The following CCSER1 variants were observed in gnomAD, a reference collection of about 807,000 sequenced individuals.
CCSER1 encodes serine-rich coiled-coil domain-containing protein 1.
Under a neutral mutation model 82.0 loss-of-function variants are expected in CCSER1, and 41 were observed. That is an observed-to-expected ratio of 0.50 (90% CI 0.39 to 0.65). The LOEUF is 0.65. Ranked by LOEUF, CCSER1 falls within the 30% of genes least tolerant of loss-of-function variation. The pLI is 0.00. For synonymous variants in CCSER1, 414 were observed against 383.9 expected (o/e 1.08, Z -0.92); for missense variants, 1,119 against 1,064.2 (o/e 1.05, Z -0.72).
intron 7 of CCSER1, among the ~76,000 whole-genome samples, chr4:90,761,743 G>A (rs910167810): frequency 6.6e-6 from 1 of 152,078 alleles, no homozygotes; most frequent in African/African-American, 2.4e-5. Context: ...TTTGGGTTAG[G>A]CGTTCATTAA....
chr4:91,436,046 C>G (rs942476109), intron 10 of CCSER1, among the ~76,000 whole-genome samples: 2 of 152,168 alleles, frequency 1.3e-5, no homozygotes, highest in African/African-American at 4.8e-5. Flanking sequence ...AATCAATTTT[C>G]ATCATTGAAG....
chr4:91,087,379 A>G (rs765558617), intron 10 of CCSER1, among the ~76,000 whole-genome samples: 1 of 152,090 alleles, frequency 6.6e-6, no homozygotes. Context: ...AGATTTTTAT[A>G]GTTTTTAATG....
At chr4:90,460,065 G>A (rs960500934) in intron 4 of CCSER1, among the ~76,000 whole-genome samples, 5 of 146,276 alleles carry the variant, frequency 3.4e-5, no homozygotes, top group African/African-American at 5.6e-5. Context: ...GGTGGCTCAC[G>A]CCTGTAATCC....
At chr4:91,119,538 AATATGCTTTT>A (rs1222260607) in intron 10 of CCSER1, among the ~76,000 whole-genome samples, 1 of 152,032 alleles carries the variant, frequency 6.6e-6, no homozygotes, top group African/African-American at 2.4e-5. Flanking sequence ...ACAGATTCAA[AATATGCTTTT>A]ATAACCAAAA....
chr4:90,808,181 A>T (rs1580572190), intron 7 of CCSER1, among the ~76,000 whole-genome samples: 1 of 152,154 alleles, frequency 6.6e-6, no homozygotes, highest in African/African-American at 2.4e-5. Flanking sequence ...GAAAAATTGG[A>T]TAGCCAGATG....
At chr4:90,587,127 G>T (rs781550927) in intron 5 of CCSER1, among the ~76,000 whole-genome samples, 1 of 152,120 alleles carries the variant, frequency 6.6e-6, no homozygotes, top group African/African-American at 2.4e-5. Flanking sequence ...AGAAATGTGC[G>T]GAGCATCGAG....
intron 8 of CCSER1, among the ~76,000 whole-genome samples, chr4:90,909,574 A>G (rs773432193): frequency 6.6e-5 from 10 of 152,214 alleles, no homozygotes; most frequent in African/African-American, 9.6e-5. Flanking sequence ...TTCCAATCAG[A>G]GTTTCTATCA....
At chr4:90,327,179 G>T (rs532774499) in intron 3 of CCSER1, among the ~76,000 whole-genome samples, 2 of 152,134 alleles carry the variant, frequency 1.3e-5, no homozygotes, top group African/African-American at 2.4e-5. Context: ...CAGGCTAGCT[G>T]CTTAACTCAG....
intron 10 of CCSER1, among the ~76,000 whole-genome samples, chr4:91,495,606 A>G (rs1261431731): frequency 6.6e-6 from 1 of 151,496 alleles, no homozygotes; most frequent in East Asian, 1.9e-4. Flanking sequence ...CTTCAATTCC[A>G]TGAGTCATTC....
chr4:90,275,274 T>C (rs1202866533), intron 1 of CCSER1, among the ~76,000 whole-genome samples: 1 of 152,142 alleles, frequency 6.6e-6, no homozygotes, highest in Non-Finnish European at 1.5e-5. Flanking sequence ...AAACATGCAG[T>C]CACATAAGTG....
chr4:90,989,499 T>A (rs564496802), intron 9 of CCSER1, among the ~76,000 whole-genome samples: 1 of 151,874 alleles, frequency 6.6e-6, no homozygotes, highest in East Asian at 1.9e-4. Context: ...AAGTAAGCTA[T>A]CTGAGATAGC....
At chr4:90,649,504 T>C (rs1450933645) in intron 6 of CCSER1, 1 of 152,104 alleles carries the variant, frequency 6.6e-6, no homozygotes, top group Non-Finnish European at 1.5e-5. Flanking sequence ...CACCAAAGTT[T>C]TCTGTCTCTA....
intron 9 of CCSER1, among the ~76,000 whole-genome samples, chr4:91,077,212 G>A (rs1722093446): frequency 6.6e-6 from 1 of 152,102 alleles, no homozygotes; most frequent in African/African-American, 2.4e-5. Context: ...GAGGGACCAA[G>A]CCTTAGGAAC....
chr4:90,432,275 G>A (rs897973939), intron 4 of CCSER1, among the ~76,000 whole-genome samples: 4 of 151,960 alleles, frequency 2.6e-5, no homozygotes, highest in African/African-American at 7.2e-5. Flanking sequence ...TTTGCTATTT[G>A]TTGTTCAAAA....
At chr4:90,773,361 C>T (rs113060663) in intron 7 of CCSER1, among the ~76,000 whole-genome samples, 1,659 of 152,252 alleles carry the variant, frequency 0.011, 36 homozygotes, top group African/African-American at 0.038. Flanking sequence ...AAAGATGAAT[C>T]GACACATCAG....
intron 4 of CCSER1, among the ~76,000 whole-genome samples, chr4:90,429,499 T>TAA (rs1339122562): frequency 6.6e-6 from 1 of 151,894 alleles, no homozygotes; most frequent in Non-Finnish European, 1.5e-5. Flanking sequence ...CAGGAAAACC[T>TAA]ACTATTATAG....
chr4:90,920,309 T>C (rs901397968), intron 8 of CCSER1, among the ~76,000 whole-genome samples: 1 of 152,016 alleles, frequency 6.6e-6, no homozygotes, highest in Non-Finnish European at 1.5e-5. Context: ...TCTTTAATTA[T>C]AAAATCATAT....
chr4:90,230,744 AAGAG>A (rs1428652574), intron 1 of CCSER1, among the ~76,000 whole-genome samples: 1 of 151,832 alleles, frequency 6.6e-6, no homozygotes, highest in Non-Finnish European at 1.5e-5. Context: ...TAAAGAAAAA[AAGAG>A]AGAAGAATCA....
At chr4:91,047,557 A>G (rs1742619645) in intron 9 of CCSER1, among the ~76,000 whole-genome samples, 1 of 152,050 alleles carries the variant, frequency 6.6e-6, no homozygotes, top group Non-Finnish European at 1.5e-5. Flanking sequence ...TCCATTTCTG[A>G]TTACTTGCAA....
Sources: allele counts gnomAD v4.1 joint callset (sites outside exome capture counted in the v4.1 genomes callset), GRCh38; gene constraint gnomAD v4.1.1; transcripts MANE v1.5; gene names NCBI Gene and HGNC (gene_info 2026-07-23, HGNC 2026-07-21).